The following ATF6 variants were observed in gnomAD, a reference collection of about 807,000 sequenced individuals.
ATF6 encodes the protein cyclic AMP-dependent transcription factor ATF-6 alpha.
ATF6 carries 53 observed loss-of-function variants against 83.6 expected under a neutral mutation model. The observed-to-expected ratio is 0.63, with a 90% CI of 0.51 to 0.80. ATF6 has a LOEUF of 0.80. Ranked by LOEUF, ATF6 falls within the 30% of genes least tolerant of loss-of-function variation. The pLI is 0.00. For synonymous variants in ATF6, 288 were observed against 285.8 expected (o/e 1.01, Z -0.08); for missense variants, 744 against 797.9 (o/e 0.93, Z 0.81).
At chr1:161,828,509 A>G (rs546222289) in intron 9 of ATF6, among the ~76,000 whole-genome samples, 7 of 152,254 alleles carry the variant, frequency 4.6e-5, no homozygotes, top group African/African-American at 1.7e-4. Flanking sequence ...GGAAGTCACA[A>G]CTGAGGCCTC....
intron 12 of ATF6, among the ~76,000 whole-genome samples, chr1:161,854,877 A>G (rs552373344): frequency 9.5e-4 from 144 of 152,208 alleles, no homozygotes; most frequent in African/African-American, 3.4e-3. Flanking sequence ...AAAAGAAAAA[A>G]AAAAAGATTT....
At chr1:161,799,254 A>G (rs942504220) in intron 6 of ATF6, among the ~76,000 whole-genome samples, 1 of 152,216 alleles carries the variant, frequency 6.6e-6, no homozygotes, top group African/African-American at 2.4e-5. Context: ...CAGCCATAAA[A>G]AAGAATGAAA....
intron 9 of ATF6, among the ~76,000 whole-genome samples, chr1:161,823,387 A>G (rs543170272): frequency 6.6e-6 from 1 of 152,134 alleles, no homozygotes; most frequent in East Asian, 1.9e-4. Context: ...CTATATACAC[A>G]TTTATTTGCT....
At chr1:161,901,347 A>G (rs1398430557) in intron 14 of ATF6, among the ~76,000 whole-genome samples, 1 of 152,048 alleles carries the variant, frequency 6.6e-6, no homozygotes, top group Non-Finnish European at 1.5e-5. Flanking sequence ...AATGGCCAAT[A>G]GCACATAAAA....
chr1:161,776,543 C>T (rs1389116250), intron 1 of ATF6, among the ~76,000 whole-genome samples: 1 of 152,058 alleles, frequency 6.6e-6, no homozygotes, highest in African/African-American at 2.4e-5. Flanking sequence ...ATTTTGAGAA[C>T]AGAGCTGACA....
At chr1:161,766,878 A>C (rs888146373) in intron 1 of ATF6, among the ~76,000 whole-genome samples, 1 of 152,318 alleles carries the variant, frequency 6.6e-6, no homozygotes, top group Admixed American at 6.5e-5. Flanking sequence ...AAGAAATTCT[A>C]ATCTTACAGC....
intron 15 of ATF6, 84 bp downstream of exon 15, chr1:161,912,464 A>G (rs1688010529): frequency 1.2e-6 from 1 of 869,062 alleles, no homozygotes; most frequent in Non-Finnish European, 1.8e-6. Flanking sequence ...GACATTTAAA[A>G]TGTTCAGTTA....
In ATF6 at chr1:161,846,572, C is replaced by A. The variant is rs187088858; in HGVS notation, c.1311C>A (p.Asn437Lys). 5 of 1,601,598 alleles carry A rather than the reference C, an allele frequency of 3.1e-6. No individual in the cohort carries two copies. The South Asian group carries it at 3.4e-5, about 11-fold the overall frequency. Residue 437 changes from asparagine to lysine, a missense_variant, in exon 10 of 16, where the codon AAC (asparagine) becomes AAA (lysine). By Grantham distance (94) the Asn-to-Lys change is moderately conservative. Coordinates refer to ENST00000367942, the MANE Select transcript of ATF6 (RefSeq NM_007348.4). ...QDTSDGIIQK[N>K]SYRYDHSVSN... is the part of the protein sequence containing the mutation. ...CATCAGATGGTATTATCCAGAAAAA[C>A]AGCTACAGGTAAGATGGCATGCATC...
At chr1:161,771,974 A>C (rs1371705311) in intron 1 of ATF6, among the ~76,000 whole-genome samples, 1 of 152,190 alleles carries the variant, frequency 6.6e-6, no homozygotes, top group Non-Finnish European at 1.5e-5. Context: ...TTTCCTGATC[A>C]TAAGCCTAAG....
chr1:161,800,445 C>T (rs1557967039), intron 6 of ATF6, among the ~76,000 whole-genome samples: 3 of 152,178 alleles, frequency 2.0e-5, no homozygotes, highest in African/African-American at 7.2e-5. Context: ...AGTTGTTTGG[C>T]ACCACCATCA....
At chr1:161,911,179 A>G (rs1042512455) in intron 14 of ATF6, among the ~76,000 whole-genome samples, 2 of 152,340 alleles carry the variant, frequency 1.3e-5, no homozygotes, top group African/African-American at 4.8e-5. Flanking sequence ...GAATGGTGAA[A>G]CAATGAACAC....
At chr1:161,813,060 C>T (rs2101772725) in intron 7 of ATF6, among the ~76,000 whole-genome samples, 1 of 151,850 alleles carries the variant, frequency 6.6e-6, no homozygotes, top group Admixed American at 6.6e-5. Context: ...TTTAAATTAC[C>T]CACGTCCTTT....
intron 7 of ATF6, among the ~76,000 whole-genome samples, chr1:161,803,626 T>A (rs1160539263): frequency 1.3e-5 from 2 of 152,158 alleles, no homozygotes; most frequent in African/African-American, 4.8e-5. Flanking sequence ...TTGATAATGA[T>A]GGAAGCTGGG....
At chr1:161,811,424 G>A (rs931401059) in intron 7 of ATF6, among the ~76,000 whole-genome samples, 1 of 152,284 alleles carries the variant, frequency 6.6e-6, no homozygotes, top group Non-Finnish European at 1.5e-5. Flanking sequence ...AAAGGAAAAT[G>A]TCTTATGGCT....
intron 15 of ATF6, among the ~76,000 whole-genome samples, chr1:161,913,707 G>T (rs975277168): frequency 1.3e-5 from 2 of 152,110 alleles, no homozygotes; most frequent in South Asian, 4.1e-4. Flanking sequence ...ATTCCAAAGT[G>T]CATTTTATTA....
At chr1:161,857,168 T>C (rs1019911313) in intron 12 of ATF6, among the ~76,000 whole-genome samples, 2 of 152,156 alleles carry the variant, frequency 1.3e-5, no homozygotes, top group Admixed American at 1.3e-4. Context: ...CTGTAACTGC[T>C]CTCCTTTTTC....
At chr1:161,906,562 A>C (rs1687880888) in intron 14 of ATF6, among the ~76,000 whole-genome samples, 1 of 152,224 alleles carries the variant, frequency 6.6e-6, no homozygotes, top group Non-Finnish European at 1.5e-5. Flanking sequence ...CATGAAAAGT[A>C]TATCTTAAAT....
chr1:161,792,800 T>G (rs930508140), intron 6 of ATF6, among the ~76,000 whole-genome samples: 3 of 152,140 alleles, frequency 2.0e-5, no homozygotes, highest in African/African-American at 7.2e-5. Context: ...AGACCTGAAC[T>G]CTGCTTTCAA....
At chr1:161,871,545 C>A (rs1687124459) in intron 14 of ATF6, among the ~76,000 whole-genome samples, 1 of 151,552 alleles carries the variant, frequency 6.6e-6, no homozygotes, top group Admixed American at 6.6e-5. Flanking sequence ...TTAAAGTTCT[C>A]ATCAAATTTT....
Sources: allele counts gnomAD v4.1 joint callset (sites outside exome capture counted in the v4.1 genomes callset), GRCh38; gene constraint gnomAD v4.1.1; transcripts MANE v1.5; gene names NCBI Gene and HGNC (gene_info 2026-07-23, HGNC 2026-07-21).